Variants in UBL3 observed in about 807,000 individuals in gnomAD.
UBL3 encodes ubiquitin like 3, also known as ubiquitin-like protein 3.
UBL3 carries 6 observed loss-of-function variants against 18.4 expected under a neutral mutation model. The observed-to-expected ratio is 0.33, with a 90% confidence interval of 0.18 to 0.64. The LOEUF (loss-of-function observed/expected upper bound fraction) is 0.64. Among genes scored for constraint, UBL3 ranks in the 30% least tolerant of loss-of-function variants. The pLI is 0.76. For missense variants in UBL3, 109 were observed against 142.9 expected (o/e 0.76, Z 1.21); for synonymous variants, 49 against 46.6 (o/e 1.05, Z -0.21).
intron 1 of UBL3, among the ~76,000 whole-genome samples, chr13:29,805,914 T>C (rs1877886310): frequency 6.6e-6 from 1 of 152,198 alleles, no homozygotes; most frequent in South Asian, 2.1e-4. Context: ...TGGTGGCTCA[T>C]GCCTGTAATC....
intron 1 of UBL3, among the ~76,000 whole-genome samples, chr13:29,800,320 T>A (rs376341797): frequency 6.6e-6 from 1 of 152,212 alleles, no homozygotes; most frequent in Admixed American, 6.5e-5. Flanking sequence ...TTTCTCCTCC[T>A]AACCCTGACT....
chr13:29,834,460 A>T (rs374006218), intron 1 of UBL3, among the ~76,000 whole-genome samples: 14 of 152,122 alleles, frequency 9.2e-5, no homozygotes, highest in African/African-American at 2.9e-4. Context: ...AAAATCACTC[A>T]CAATAATTGA....
chr13:29,837,964 G>A (rs953452629), intron 1 of UBL3, among the ~76,000 whole-genome samples: 1 of 123,696 alleles, frequency 8.1e-6, no homozygotes, highest in Non-Finnish European at 1.7e-5. Flanking sequence ...ATTCCCAAAT[G>A]ACAAAAGATA....
intron 1 of UBL3, among the ~76,000 whole-genome samples, chr13:29,820,034 T>C (rs1391717058): frequency 6.6e-6 from 1 of 152,224 alleles, no homozygotes; most frequent in Non-Finnish European, 1.5e-5. Context: ...TTTCTTAACT[T>C]ATTCCAACAT....
intron 1 of UBL3, among the ~76,000 whole-genome samples, chr13:29,838,441 T>C (rs1236812197): frequency 6.6e-6 from 1 of 152,168 alleles, no homozygotes; most frequent in Non-Finnish European, 1.5e-5. Context: ...ATTACTCTTA[T>C]TACCACTGTT....
At chr13:29,820,569 C>T (rs1171343294) in intron 1 of UBL3, among the ~76,000 whole-genome samples, 5 of 152,134 alleles carry the variant, frequency 3.3e-5, no homozygotes, top group Non-Finnish European at 7.3e-5. Flanking sequence ...ATTTTTCACT[C>T]ATGGTTCCTA....
rs571873169 is a variant in UBL3 at position 29,845,897 on chromosome 13, A to G, written c.27+3615T>C. ...GTCAATTTCTCTCTTAAAGTTTTCA[A>G]TGTAATAGATAAAGTATAATTTTAG... On this transcript the variant is annotated intron_variant, in intron 1 of 4. Coordinates refer to ENST00000380680, the MANE Select transcript of UBL3 (RefSeq NM_007106.4). 3.9e-5 allele frequency among the ~76,000 whole-genome samples: 6 copies of G among 152,254 alleles called. No homozygotes were observed. In the East Asian group the frequency reaches 5.8e-4, roughly 15 times the overall value.
chr13:29,767,772 T>A (rs1217554227), intron 3 of UBL3, 77 bp from the exon 4 acceptor site: 3 of 1,298,960 alleles, frequency 2.3e-6, no homozygotes, highest in Admixed American at 2.3e-5. Flanking sequence ...AAAACCATTT[T>A]AAAAATTGAT....
chr13:29,811,574 C>A (rs1878086143), intron 1 of UBL3, among the ~76,000 whole-genome samples: 1 of 152,034 alleles, frequency 6.6e-6, no homozygotes, highest in Admixed American at 6.6e-5. Context: ...CTGTCCCTGC[C>A]ATGCCCTCCA....
At chr13:29,774,291 T>C (rs1394915889) in intron 2 of UBL3, among the ~76,000 whole-genome samples, 2 of 152,138 alleles carry the variant, frequency 1.3e-5, no homozygotes, top group Middle Eastern at 3.2e-3. Flanking sequence ...TCTTTTACCT[T>C]AAGTTACAAT....
At chr13:29,830,465 T>G (rs1878744295) in intron 1 of UBL3, among the ~76,000 whole-genome samples, 1 of 152,202 alleles carries the variant, frequency 6.6e-6, no homozygotes, top group Admixed American at 6.5e-5. Context: ...AGCCATTTGC[T>G]TCCCTCCTAT....
chr13:29,784,839 G>GCA (rs58557958), intron 1 of UBL3, among the ~76,000 whole-genome samples: 145,447 of 150,584 alleles, frequency 0.97, 70,304 homozygotes, highest in Non-Finnish European at 1. Context: ...ATACACACAT[G>GCA]CACACACACA....
At chr13:29,820,245 C>T (rs3118080) in intron 1 of UBL3, among the ~76,000 whole-genome samples, 15,059 of 146,158 alleles carry the variant, frequency 0.1, 933 homozygotes, top group African/African-American at 0.17. Context: ...GGCTCGATCT[C>T]GGCTCACTGC....
intron 1 of UBL3, among the ~76,000 whole-genome samples, chr13:29,847,357 C>T (rs1424920525): frequency 6.6e-6 from 1 of 152,202 alleles, no homozygotes; most frequent in East Asian, 1.9e-4. Context: ...TATTGCTTTG[C>T]CCTTGCATAT....
At chr13:29,805,422 C>T (rs768363264) in intron 1 of UBL3, among the ~76,000 whole-genome samples, 3 of 152,164 alleles carry the variant, frequency 2.0e-5, no homozygotes, top group Admixed American at 1.3e-4. Flanking sequence ...TTTCTTGGCC[C>T]GGGCCCCCTC....
intron 1 of UBL3, among the ~76,000 whole-genome samples, chr13:29,777,925 C>G (rs1362275617): frequency 6.6e-6 from 1 of 152,062 alleles, no homozygotes; most frequent in African/African-American, 2.4e-5. Flanking sequence ...CACCACCACG[C>G]CCAGCTAATT....
intron 3 of UBL3, among the ~76,000 whole-genome samples, chr13:29,769,744 T>C (rs17625384): frequency 0.058 from 8,768 of 152,174 alleles, 364 homozygotes; most frequent in East Asian, 0.17. Flanking sequence ...TGAAACTCTA[T>C]ATGGCTATAA....
intron 1 of UBL3, among the ~76,000 whole-genome samples, chr13:29,846,830 G>T (rs1389479874): frequency 6.6e-6 from 1 of 152,170 alleles, no homozygotes; most frequent in Non-Finnish European, 1.5e-5. Flanking sequence ...CAGCACAGTT[G>T]ACAGCACATA....
Position 29,801,175 on chromosome 13 carries a change from C to G in UBL3, c.28-23912G>C, listed in dbSNP as rs192936245. On this transcript the variant is annotated intron_variant, in intron 1 of 4. Transcript: ENST00000380680. Reference sequence around the variant, plus strand: ...AGGAACAGAGGGCCTGATGGCAACTCTGGCATGCCACAGCCACCCTATGGA... The same window carrying G: ...AGGAACAGAGGGCCTGATGGCAACTGTGGCATGCCACAGCCACCCTATGGA... Among the ~76,000 whole-genome samples, 290 of 152,278 alleles carry G rather than the reference C, an allele frequency of 1.9e-3. 1 individual carries two copies. The highest frequency in any genetic ancestry group is 6.6e-3 in the African/African-American group (274 of 41,554).
Sources: allele counts gnomAD v4.1 joint callset (sites outside exome capture counted in the v4.1 genomes callset), GRCh38; gene constraint gnomAD v4.1.1; transcripts MANE v1.5; gene names NCBI Gene and HGNC (gene_info 2026-07-23, HGNC 2026-07-21).